The following RFC1 variants were observed in gnomAD, a reference collection of about 807,000 sequenced individuals.
RFC1 encodes the protein A1 140 kDa subunit.
RFC1 carries 37 observed loss-of-function variants against 137.4 expected under a neutral mutation model. The observed-to-expected ratio is 0.27, with a 90% CI of 0.21 to 0.35. The LOEUF is 0.35. Ranked by LOEUF, RFC1 falls within the 10% of genes least tolerant of loss-of-function variation. RFC1 has a pLI of 1.00. For missense variants in RFC1, 1,205 were observed against 1,358.5 expected, an observed-to-expected ratio of 0.89 and a Z score of 1.78; for synonymous variants, 429 against 455.7, an observed-to-expected ratio of 0.94 and a Z score of 0.75.
chr4:39,308,811 C>T lies in RFC1; in HGVS notation c.1710G>A (p.Arg570=), dbSNP rs375278905. ...TTTCACTGCTGTCATCAGCCAAATT[C>T]CTAGCCTTGCTGTCACCACTTGTCT... The part of the protein sequence containing the change: ...AEETSGDSKA[R]NLADDSSENK... The change falls in exon 13 of 25, where the codon AGG becomes AGA. Residue 570 remains arginine (R), a synonymous_variant. Coordinates refer to ENST00000349703, the MANE Select transcript of RFC1 (RefSeq NM_002913.5). The T allele has an allele frequency of 6.2e-7, 1 of 1,614,072 alleles. No individual in the cohort carries two copies. The highest frequency in any genetic ancestry group is 8.5e-7 in the Non-Finnish European group (1 of 1,180,046).
intron 1 of RFC1, among the ~76,000 whole-genome samples, chr4:39,365,928 A>G (rs571242940): frequency 1.6e-4 from 25 of 152,330 alleles, no homozygotes; most frequent in Non-Finnish European, 2.6e-4. Context: ...AACTTTACCA[A>G]TGCGTCCCAA....
rs184847167 is a variant in RFC1, at chr4:39,312,071, T to C, written c.1384-522A>G. Among the ~76,000 whole-genome samples the C allele has an allele frequency of 3.9e-5, 6 of 152,316 alleles. No individual in the cohort carries two copies. In the East Asian group the frequency reaches 1.2e-3, roughly 29 times the overall value. ...GGCCAATGAGCCTTATGTGAAATTC[T>C]ATAAGACATGTTTCTGGGAAAACTC... On this transcript the variant is annotated intron_variant, in intron 11 of 24. Coordinates refer to ENST00000349703, the MANE Select transcript of RFC1 (RefSeq NM_002913.5).
intron 1 of RFC1, among the ~76,000 whole-genome samples, chr4:39,364,080 TAAAAAAAAAA>T (rs34471101): frequency 8.1e-6 from 1 of 122,926 alleles, no homozygotes; most frequent in African/African-American, 3.1e-5. Context: ...ACCTTGCCTT[TAAAAAAAAAA>T]AAAAAAAAAA....
chr4:39,288,929 T>C, intron 24 of RFC1, 85 bp from the exon 25 acceptor site: 1 of 868,120 alleles, frequency 1.2e-6, no homozygotes, highest in South Asian at 1.5e-5. Flanking sequence ...AATCTAATCT[T>C]TACCTGCAAC....
At chr4:39,333,934 T>C (rs995549911) in intron 4 of RFC1, among the ~76,000 whole-genome samples, 5 of 152,192 alleles carry the variant, frequency 3.3e-5, no homozygotes, top group Non-Finnish European at 7.4e-5. Flanking sequence ...ATGTTTTCAT[T>C]GTGTTAAACA....
At chr4:39,309,054 G>T (rs772314208) in intron 12 of RFC1, 22 bp from the exon 13 acceptor site, 1 of 1,565,774 alleles carries the variant, frequency 6.4e-7, no homozygotes, top group South Asian at 1.2e-5. Flanking sequence ...GAAAAATGAG[G>T]AAAAAAGAAA....
chr4:39,320,737 A>AT (rs1255817850), intron 8 of RFC1, 68 bp from the exon 9 acceptor site: 3 of 1,429,688 alleles, frequency 2.1e-6, no homozygotes, highest in African/African-American at 2.9e-5. Flanking sequence ...CTTTTCTTTC[A>AT]TTTTTCAACT....
Position 39,302,613 on chromosome 4 carries a change from G to A in RFC1, c.2341-18C>T, listed in dbSNP as rs760727992. 12 of 1,545,420 alleles carry A rather than the reference G, an allele frequency of 7.8e-6. No individual in the cohort carries two copies. The African/African-American group carries it at 1.1e-4, about 14-fold the overall frequency. Reference sequence around the variant, plus strand: ...ATAGCACCCTGAAATTGACAAGGGAGGAGTCCTCAATGATTTTTAACTCAT... The same window carrying A: ...ATAGCACCCTGAAATTGACAAGGGAAGAGTCCTCAATGATTTTTAACTCAT... On this transcript the variant is annotated intron_variant, in intron 17 of 24. Coordinates refer to ENST00000349703, the MANE Select transcript of RFC1 (RefSeq NM_002913.5).
rs774793398 is a variant in RFC1, at chr4:39,291,791, C to T, written c.3016G>A (p.Val1006Ile). The change falls in exon 23 of 25, where the codon GTA becomes ATA. Residue 1006 changes from valine to isoleucine, a missense_variant. By Grantham distance (29) the Val-to-Ile change is conservative (BLOSUM62 3). Coordinates refer to ENST00000349703, the MANE Select transcript of RFC1 (RefSeq NM_002913.5). Reference protein sequence around the residue: ...DYLSLLRDALVQPLTSQGVDG... With the variant: ...DYLSLLRDALIQPLTSQGVDG... ...ACTCCTTGTGAGGTCAAGGGCTGTACAAGTGCATCCCTTAGAAGCGACAGA... is the reference window on the plus strand; with the variant it reads ...ACTCCTTGTGAGGTCAAGGGCTGTATAAGTGCATCCCTTAGAAGCGACAGA... 17 of 1,613,980 alleles carry T rather than the reference C, an allele frequency of 1.1e-5. No individual in the cohort carries two copies. Among genetic ancestry groups the T allele is most frequent in the Non-Finnish European group, 1.4e-5 (17 of 1,179,962 alleles).
intron 7 of RFC1, chr4:39,323,053 T>G (rs539513268): frequency 1.1e-5 from 2 of 178,718 alleles, no homozygotes; most frequent in South Asian, 1.5e-4. Context: ...CCACTGCACT[T>G]CATGAGAGAC....
At chr4:39,347,952 C>T (rs1740940137) in intron 2 of RFC1, among the ~76,000 whole-genome samples, 1 of 152,142 alleles carries the variant, frequency 6.6e-6, no homozygotes, top group Admixed American at 6.5e-5. Flanking sequence ...ATGATGAAAT[C>T]AGATATTTAG....
At chr4:39,341,534 T>C (rs1740605330) in intron 4 of RFC1, 1 of 442,552 alleles carries the variant, frequency 2.3e-6, no homozygotes, top group Non-Finnish European at 4.5e-6. Flanking sequence ...ATGTTTCACG[T>C]AACCTACAAA....
At chr4:39,345,291 G>C in intron 3 of RFC1, 110 bp downstream of exon 3, 1 of 837,536 alleles carries the variant, frequency 1.2e-6, no homozygotes, top group Admixed American at 2.8e-5. Flanking sequence ...CTGCGATTGC[G>C]ATTACAGGCA....
chr4:39,347,568 C>T (rs568237071), intron 2 of RFC1, among the ~76,000 whole-genome samples: 1 of 152,150 alleles, frequency 6.6e-6, no homozygotes, highest in African/African-American at 2.4e-5. Flanking sequence ...CAAACAAAAA[C>T]AAAACAAAAC....
intron 4 of RFC1, among the ~76,000 whole-genome samples, chr4:39,332,706 C>T (rs1740161311): frequency 6.6e-6 from 1 of 152,202 alleles, no homozygotes. Context: ...AAAAGTTTAT[C>T]TACTTTTTCC....
At chr4:39,289,790 C>T in intron 24 of RFC1, 58 bp downstream of exon 24, 1 of 1,180,284 alleles carries the variant, frequency 8.5e-7, no homozygotes, top group South Asian at 1.2e-5. Flanking sequence ...CTATTATTCA[C>T]CAGGCAAGGA....
intron 15 of RFC1, 87 bp downstream of exon 15, chr4:39,304,727 C>A (rs1002445931): frequency 7.2e-6 from 6 of 831,824 alleles, no homozygotes. Flanking sequence ...GCTTGGCACA[C>A]AACCTGTGTT....
At chr4:39,317,376 C>T (rs1409475411) in intron 9 of RFC1, among the ~76,000 whole-genome samples, 3 of 152,160 alleles carry the variant, frequency 2.0e-5, no homozygotes, top group African/African-American at 2.4e-5. Context: ...CCATGTTTAA[C>T]GGGAAAATAC....
rs1364986119 is a variant in RFC1 at position 39,320,655 on chromosome 4, C to T, written c.823G>A (p.Val275Ile). 6.3e-7 allele frequency: 1 copy of T among 1,578,764 alleles called. No homozygotes were observed. The highest frequency in any genetic ancestry group is 8.6e-7 in the Non-Finnish European group (1 of 1,168,946). The change falls in exon 9 of 25, where the codon GTT becomes ATT. Residue 275 changes from valine (V) to isoleucine (I), a missense_variant. Physicochemically the swap from Val to Ile is conservative, Grantham distance 29. Around this residue, in one of 3 missense-constraint regions of RFC1, gnomAD observed 962 missense variants for 1,035.3 expected, o/e 0.93. Coordinates refer to ENST00000349703, the MANE Select transcript of RFC1 (RefSeq NM_002913.5). ...CTGTAGCTCTTTCTTTCATCTGAAA[C>T]TTGTGCTGTTTTTACTAGGAAGAAA... The part of the protein sequence containing the change: ...KYPHKVKTAQ[V>I]SDERKSYSPR...
Sources: allele counts gnomAD v4.1 joint callset (sites outside exome capture counted in the v4.1 genomes callset), GRCh38; gene constraint gnomAD v4.1.1; regional missense constraint gnomAD v4.1.1; transcripts MANE v1.5; gene names NCBI Gene and HGNC (gene_info 2026-07-23, HGNC 2026-07-21).